Variants in SGCZ observed in about 807,000 individuals in gnomAD.
SGCZ encodes the protein sarcoglycan zeta, also known as zeta-sarcoglycan.
A neutral mutation model predicts 41.3 loss-of-function variants in SGCZ; 40 were observed. The ratio of observed to expected loss-of-function variants is 0.97; its 90% CI spans 0.75 to 1.26. The LOEUF is 1.26. SGCZ is among the 50% of genes most tolerant of loss of function. SGCZ has a pLI of 0.00. For synonymous variants in SGCZ, 206 were observed against 137.5 expected, an observed-to-expected ratio of 1.50 and a Z score of -3.49; for missense variants, 552 against 369.8, an observed-to-expected ratio of 1.49 and a Z score of -4.04.
chr8:15,096,426 G>A (rs1806348947), intron 1 of SGCZ, among the ~76,000 whole-genome samples: 1 of 152,024 alleles, frequency 6.6e-6, no homozygotes, highest in South Asian at 2.1e-4. Context: ...GTCTACGAAA[G>A]CAGGAATAAT....
intron 2 of SGCZ, among the ~76,000 whole-genome samples, chr8:14,532,186 C>G (rs1003602662): frequency 2.0e-5 from 3 of 151,928 alleles, no homozygotes; most frequent in Non-Finnish European, 4.4e-5. Context: ...AAGTAAGGCA[C>G]TAAAAATCAC....
At chr8:14,309,058 C>G in intron 3 of SGCZ, 5 of 1,380,760 alleles carry the variant, frequency 3.6e-6, no homozygotes, top group Non-Finnish European at 5.0e-6. Context: ...CTCTTAATTC[C>G]CCAACTACAG....
Position 14,551,414 on chromosome 8 carries a change from T to C in SGCZ, c.234+3318A>G, listed in dbSNP as rs1395787766. Among the ~76,000 whole-genome samples the C allele has an allele frequency of 2.8e-5, 3 of 106,994 alleles. 1 individual carries two copies. The highest frequency in any genetic ancestry group is 1.0e-4 in the African/African-American group (3 of 29,636). The allele number at this position is 106,994 out of a possible 152,430, so 70.2% of individuals were successfully genotyped here. On this transcript the variant is annotated intron_variant, in intron 2 of 7. Transcript: ENST00000382080. ...ATGGGTTGTACTGACCTCAACAAATTGATGATTCAAATTTTCCTCTTCAAC... is the reference window on the plus strand; with the variant it reads ...ATGGGTTGTACTGACCTCAACAAATCGATGATTCAAATTTTCCTCTTCAAC...
intron 1 of SGCZ, among the ~76,000 whole-genome samples, chr8:15,226,600 G>C (rs1301970689): frequency 3.3e-5 from 5 of 150,714 alleles, no homozygotes; most frequent in African/African-American, 7.3e-5. Context: ...CCCACCCTTG[G>C]TGTCCCAGTT....
chr8:14,345,704 T>C (rs959336846), intron 2 of SGCZ, among the ~76,000 whole-genome samples: 1 of 152,108 alleles, frequency 6.6e-6, no homozygotes, highest in Non-Finnish European at 1.5e-5. Context: ...AGAAAAAGGT[T>C]CAACTCTAGC....
At chr8:14,785,716 G>A (rs978780919) in intron 1 of SGCZ, among the ~76,000 whole-genome samples, 1 of 152,020 alleles carries the variant, frequency 6.6e-6, no homozygotes, top group Non-Finnish European at 1.5e-5. Context: ...TTTCTGATAC[G>A]TCCACTTACT....
At chr8:14,179,272 C>G (rs555670670) in intron 4 of SGCZ, among the ~76,000 whole-genome samples, 1 of 152,288 alleles carries the variant, frequency 6.6e-6, no homozygotes, top group African/African-American at 2.4e-5. Context: ...TGTGGTGCCC[C>G]CTGTACATGC....
chr8:15,166,670 G>A (rs903704280), intron 1 of SGCZ, among the ~76,000 whole-genome samples: 1 of 152,190 alleles, frequency 6.6e-6, no homozygotes, highest in African/African-American at 2.4e-5. Context: ...TAAGGTTTAT[G>A]TTAAGATATT....
chr8:15,056,811 G>C (rs1159564561), intron 1 of SGCZ, among the ~76,000 whole-genome samples: 1 of 152,002 alleles, frequency 6.6e-6, no homozygotes, highest in Non-Finnish European at 1.5e-5. Flanking sequence ...ATTTTTTGAG[G>C]GTCTCCAAAT....
At chr8:14,717,129 G>A (rs1441855464) in intron 1 of SGCZ, among the ~76,000 whole-genome samples, 3 of 151,848 alleles carry the variant, frequency 2.0e-5, no homozygotes, top group African/African-American at 4.8e-5. Flanking sequence ...AAGGAACTAC[G>A]ACAATTAGAT....
At chr8:14,906,416 C>A (rs1278408965) in intron 1 of SGCZ, among the ~76,000 whole-genome samples, 3 of 152,104 alleles carry the variant, frequency 2.0e-5, no homozygotes, top group Non-Finnish European at 4.4e-5. Flanking sequence ...ATATTCTGAA[C>A]CAATGGCTCT....
At chr8:14,844,996 G>C (rs1456372531) in intron 1 of SGCZ, among the ~76,000 whole-genome samples, 2 of 152,134 alleles carry the variant, frequency 1.3e-5, no homozygotes, top group Non-Finnish European at 1.5e-5. Context: ...AGGTGGAAAA[G>C]GCAGCTAGAA....
At chr8:15,225,325 C>A (rs1801732306) in intron 1 of SGCZ, among the ~76,000 whole-genome samples, 1 of 152,052 alleles carries the variant, frequency 6.6e-6, no homozygotes, top group South Asian at 2.1e-4. Flanking sequence ...AAAGATATAT[C>A]TATCTCTTCC....
intron 1 of SGCZ, among the ~76,000 whole-genome samples, chr8:14,638,209 G>A (rs1585144773): frequency 6.6e-6 from 1 of 151,722 alleles, no homozygotes; most frequent in South Asian, 2.1e-4. Context: ...ACTTTTTTCA[G>A]TTTGTCAGGA....
chr8:14,243,787 C>T (rs1007580502), intron 3 of SGCZ, among the ~76,000 whole-genome samples: 1 of 152,152 alleles, frequency 6.6e-6, no homozygotes, highest in African/African-American at 2.4e-5. Flanking sequence ...CCTTTCTACT[C>T]CTCCAGAGTT....
intron 1 of SGCZ, among the ~76,000 whole-genome samples, chr8:14,666,246 G>A (rs1161249519): frequency 6.6e-6 from 1 of 152,150 alleles, no homozygotes; most frequent in African/African-American, 2.4e-5. Flanking sequence ...AAGGAATGCT[G>A]GCAGTGTGTA....
chr8:14,473,828 C>T (rs113333197), intron 2 of SGCZ, among the ~76,000 whole-genome samples: 12 of 151,484 alleles, frequency 7.9e-5, no homozygotes, highest in South Asian at 6.2e-4. Flanking sequence ...GTCCCAGCTA[C>T]TCGGGAAGCT....
intron 2 of SGCZ, among the ~76,000 whole-genome samples, chr8:14,519,201 T>C (rs1802715267): frequency 6.6e-6 from 1 of 152,022 alleles, no homozygotes. Context: ...AGGAATAGAA[T>C]GCTGATTTGA....
intron 1 of SGCZ, among the ~76,000 whole-genome samples, chr8:14,652,062 AG>A (rs1175219706): frequency 2.0e-5 from 3 of 152,016 alleles, no homozygotes; most frequent in Admixed American, 6.6e-5. Flanking sequence ...TATCACGGAA[AG>A]AATAACAAAA....
Sources: allele counts gnomAD v4.1 joint callset (sites outside exome capture counted in the v4.1 genomes callset), GRCh38; gene constraint gnomAD v4.1.1; transcripts MANE v1.5; gene names NCBI Gene and HGNC (gene_info 2026-07-23, HGNC 2026-07-21).